The following ODF2 variants were observed in gnomAD, a reference collection of about 807,000 sequenced individuals.
ODF2 encodes outer dense fiber protein 2.
ODF2 carries 47 observed loss-of-function variants against 110.2 expected under a neutral mutation model. The ratio of observed to expected loss-of-function variants is 0.43; its 90% CI spans 0.34 to 0.54. The LOEUF is 0.54. Among genes scored for constraint, ODF2 ranks in the 20% least tolerant of loss-of-function variants. The pLI is 0.03. For missense variants in ODF2, 812 were observed against 1,054.5 expected (o/e 0.77, Z 3.19); for synonymous variants, 352 against 397.7 (o/e 0.89, Z 1.37).
intron 10 of ODF2, among the ~76,000 whole-genome samples, chr9:128,483,492 A>T (rs986307975): frequency 6.6e-6 from 1 of 151,522 alleles, no homozygotes; most frequent in Non-Finnish European, 1.5e-5. Context: ...CTGAGATGGG[A>T]GGATCACTTG....
chr9:128,474,659 TA>T (rs751359242), intron 8 of ODF2, among the ~76,000 whole-genome samples: 1,622 of 133,624 alleles, frequency 0.012, 13 homozygotes, highest in South Asian at 0.045. Flanking sequence ...AGACTCCATC[TA>T]AAAAAAAAAA....
intron 1 of ODF2, chr9:128,456,694 A>G: frequency 7.2e-7 from 1 of 1,386,602 alleles, no homozygotes; most frequent in South Asian, 1.6e-5. Context: ...AGTCACTTGT[A>G]CGCCCTCCGT....
At chr9:128,456,597 T>C (rs1409654289) in intron 1 of ODF2, 4 of 1,520,860 alleles carry the variant, frequency 2.6e-6, no homozygotes, top group Non-Finnish European at 2.6e-6. Context: ...GTCCCTTCTC[T>C]CCGCCGACAG....
chr9:128,475,292 A>C (rs1174607462), intron 8 of ODF2, among the ~76,000 whole-genome samples: 4 of 152,082 alleles, frequency 2.6e-5, no homozygotes, highest in African/African-American at 9.7e-5. Flanking sequence ...TATCCACAGA[A>C]TGTCCTGGAA....
At chr9:128,498,286 C>G in intron 18 of ODF2, 127 bp from the exon 19 acceptor site, 2 of 1,376,200 alleles carry the variant, frequency 1.5e-6, no homozygotes, top group Non-Finnish European at 9.5e-7. Context: ...TTGGCTTATT[C>G]CTGTGGCTCC....
intron 4 of ODF2, 136 bp downstream of exon 4, chr9:128,461,203 C>G: frequency 9.1e-7 from 1 of 1,101,442 alleles, no homozygotes; most frequent in Non-Finnish European, 1.3e-6. Context: ...CCTTGCTAAA[C>G]CCTGAAACTA....
chr9:128,499,439 G>A (rs1846199999), intron 20 of ODF2, among the ~76,000 whole-genome samples: 1 of 151,954 alleles, frequency 6.6e-6, no homozygotes, highest in Non-Finnish European at 1.5e-5. Flanking sequence ...ACAAGTATGT[G>A]CCACCATCCC....
intron 4 of ODF2, among the ~76,000 whole-genome samples, chr9:128,468,136 A>G (rs1236114692): frequency 1.3e-5 from 2 of 152,174 alleles, no homozygotes; most frequent in Non-Finnish European, 2.9e-5. Context: ...ATTTCTTAAT[A>G]TCATACAATA....
exon 12 of ODF2, chr9:128,484,703 T>G: frequency 6.4e-7 from 1 of 1,559,920 alleles, no homozygotes; most frequent in South Asian, 1.2e-5. Context: ...CCTTCCAGAA[T>G]CTGGAGCGCA....
chr9:128,459,201 C>A (rs1480723335), intron 2 of ODF2, among the ~76,000 whole-genome samples: 2 of 152,242 alleles, frequency 1.3e-5, no homozygotes, highest in East Asian at 3.8e-4. Flanking sequence ...GCCGCCTCTG[C>A]TCCAGGCACT....
upstream of ODF2, chr9:128,455,932 C>T (rs1436358632): frequency 7.1e-7 from 1 of 1,399,366 alleles, no homozygotes. Context: ...GGGGCGAGAC[C>T]CGGCCAGGCC....
chr9:128,500,629 C>T (rs553155743), downstream of ODF2: 1 of 105,582 alleles, frequency 9.5e-6, no homozygotes, highest in East Asian at 2.1e-4. Flanking sequence ...GAATCTCTCT[C>T]AGGTTTTTTC....
intron 1 of ODF2, chr9:128,456,965 C>T (rs1188141007): frequency 2.4e-6 from 3 of 1,238,216 alleles, no homozygotes; most frequent in South Asian, 1.7e-5. Context: ...AGCATCCCCG[C>T]GGCTCCCTGC....
chr9:128,466,318 T>C lies in ODF2; in HGVS notation c.250-2865T>C, dbSNP rs549873756. ...GTATCTCTACCAAAAATACAAAAAA[T>C]TAGCCCAGTGTGGTGGTGTGCACTT... On this transcript the variant is annotated intron_variant, in intron 4 of 20. Transcript: ENST00000604420. Among the ~76,000 whole-genome samples, 24 of 151,840 alleles carry C rather than the reference T, an allele frequency of 1.6e-4. No homozygotes were observed. In the East Asian group the frequency reaches 4.5e-3, roughly 28 times the overall value.
At chr9:128,472,157 A>G (rs2131772480) in intron 6 of ODF2, among the ~76,000 whole-genome samples, 1 of 152,122 alleles carries the variant, frequency 6.6e-6, no homozygotes, top group South Asian at 2.1e-4. Context: ...GCGGGCGCCT[A>G]TAATCCTAGC....
At chr9:128,472,004 G>C (rs544590845) in intron 6 of ODF2, among the ~76,000 whole-genome samples, 2 of 152,152 alleles carry the variant, frequency 1.3e-5, no homozygotes, top group African/African-American at 4.8e-5. Context: ...TTATTTGGCC[G>C]GGCGTGGTGG....
chr9:128,500,094 C>G lies in ODF2; in HGVS notation c.2329C>G (p.Gln777Glu), dbSNP rs767407040. The change falls in exon 21 of 21, where the codon CAA becomes GAA. Residue 777 changes from glutamine to glutamate, a missense_variant. Gln to Glu is a conservative substitution (Grantham distance 29). This residue lies in a region of ODF2 where 234 missense variants were observed against 245.3 expected (regional missense o/e 0.95). Transcript: ENST00000604420. ...GGACCGCCGCTACCAGAGCCGGCTGCAAGACCTGAAAGATCGCCTGGAGCA... is the reference window on the plus strand; with the variant it reads ...GGACCGCCGCTACCAGAGCCGGCTGGAAGACCTGAAAGATCGCCTGGAGCA... The G allele has an allele frequency of 5.6e-6, 9 of 1,614,264 alleles. No homozygotes were observed. In the Admixed American group the frequency reaches 1.5e-4, roughly 27 times the overall value.
At chr9:128,492,953 C>G (rs948429474) in intron 16 of ODF2, 148 bp downstream of exon 16, 1 of 608,798 alleles carries the variant, frequency 1.6e-6, no homozygotes, top group South Asian at 2.0e-5. Flanking sequence ...CTCATCCACT[C>G]TACCCTGTGC....
intron 4 of ODF2, among the ~76,000 whole-genome samples, chr9:128,461,568 G>A (rs12551842): frequency 5.3e-4 from 80 of 152,144 alleles, no homozygotes; most frequent in Middle Eastern, 3.4e-3. Context: ...ACAGGCGCCC[G>A]CCACCACTTA....
Sources: gnomAD v4.1 joint callset for allele counts (sites outside exome capture counted in the v4.1 genomes callset) on GRCh38, gnomAD v4.1.1 for gene constraint, gnomAD v4.1.1 regional missense constraint, MANE v1.5 for transcripts, NCBI Gene and HGNC (gene_info 2026-07-23, HGNC 2026-07-21) for gene names.